CACNA2D3: variants seen among roughly 807,000 people sequenced by gnomAD.
CACNA2D3 encodes voltage-dependent calcium channel subunit alpha-2/delta-3.
Under a neutral mutation model 160.6 loss-of-function variants are expected in CACNA2D3, and 60 were observed. The observed-to-expected ratio is 0.37, with a 90% CI of 0.30 to 0.46. CACNA2D3 has a LOEUF of 0.46. Among genes scored for constraint, CACNA2D3 ranks in the 20% least tolerant of loss-of-function variants. The pLI, the probability that CACNA2D3 is intolerant of heterozygous loss-of-function variation, is 1.00. For synonymous variants in CACNA2D3, 558 were observed against 492.9 expected (o/e 1.13, Z -1.75); for missense variants, 1,205 against 1,365.0 (o/e 0.88, Z 1.85).
chr3:54,916,091 A>G (rs1195028608), intron 27 of CACNA2D3, among the ~76,000 whole-genome samples: 2 of 152,188 alleles, frequency 1.3e-5, no homozygotes, highest in East Asian at 3.9e-4. Flanking sequence ...TCACTGCATT[A>G]AAACGAAGCA....
At chr3:54,290,328 T>G (rs1703156400) in intron 2 of CACNA2D3, among the ~76,000 whole-genome samples, 1 of 152,174 alleles carries the variant, frequency 6.6e-6, no homozygotes. Flanking sequence ...TCACTGGCCA[T>G]CAGAGAAATA....
At chr3:54,771,311 A>C (rs539004052) in intron 13 of CACNA2D3, among the ~76,000 whole-genome samples, 93 of 152,304 alleles carry the variant, frequency 6.1e-4, no homozygotes, top group African/African-American at 2.2e-3. Flanking sequence ...GCACAGACTT[A>C]GTGGCTTTAA....
At chr3:54,939,336 G>T (rs1165013083) in intron 27 of CACNA2D3, among the ~76,000 whole-genome samples, 1 of 152,186 alleles carries the variant, frequency 6.6e-6, no homozygotes, top group African/African-American at 2.4e-5. Flanking sequence ...TTTCTAAGGG[G>T]CAGAGCTGGG....
chr3:54,964,978 G>A (rs1200203748), intron 27 of CACNA2D3, among the ~76,000 whole-genome samples: 2 of 152,138 alleles, frequency 1.3e-5, no homozygotes, highest in African/African-American at 2.4e-5. Context: ...TTCAGAGTGG[G>A]CTTTCTAAAA....
At chr3:54,573,838 C>T (rs952454344) in intron 8 of CACNA2D3, among the ~76,000 whole-genome samples, 4 of 152,318 alleles carry the variant, frequency 2.6e-5, no homozygotes, top group Admixed American at 2.6e-4. Flanking sequence ...GTGTGTTCTG[C>T]GAATTTTGCC....
chr3:54,543,285 T>C (rs552408135), intron 5 of CACNA2D3, among the ~76,000 whole-genome samples: 54 of 152,342 alleles, frequency 3.5e-4, no homozygotes, highest in Non-Finnish European at 5.9e-4. Flanking sequence ...CCCATCTTAG[T>C]ACAAACAAAA....
chr3:54,370,450 T>C (rs1698905159), intron 3 of CACNA2D3, among the ~76,000 whole-genome samples: 1 of 152,220 alleles, frequency 6.6e-6, no homozygotes, highest in Non-Finnish European at 1.5e-5. Flanking sequence ...AAAGATGCAA[T>C]TAAGAATCCA....
intron 2 of CACNA2D3, among the ~76,000 whole-genome samples, chr3:54,218,302 C>T (rs1310126305): frequency 1.3e-5 from 2 of 152,192 alleles, no homozygotes; most frequent in Non-Finnish European, 2.9e-5. Flanking sequence ...CCTAGACTGG[C>T]ACATGCATGG....
At chr3:54,878,933 C>T (rs971334898) in intron 18 of CACNA2D3, 85 bp from the exon 19 acceptor site, 2 of 727,366 alleles carry the variant, frequency 2.7e-6, no homozygotes, top group Non-Finnish European at 4.5e-6. Context: ...AATATGGAGG[C>T]TCCACTGCAC....
chr3:54,134,398 G>A (rs186691989), intron 2 of CACNA2D3, among the ~76,000 whole-genome samples: 11 of 152,284 alleles, frequency 7.2e-5, no homozygotes, highest in Admixed American at 3.3e-4. Context: ...AGCGATCTAT[G>A]GGGTGGGCTT....
chr3:54,942,192 A>G (rs890608975), intron 27 of CACNA2D3, among the ~76,000 whole-genome samples: 11 of 152,236 alleles, frequency 7.2e-5, no homozygotes, highest in African/African-American at 1.9e-4. Flanking sequence ...ACAACCGTGT[A>G]TCTCTGCCCA....
chr3:54,738,918 G>A (rs571322018), intron 11 of CACNA2D3, among the ~76,000 whole-genome samples: 7 of 152,264 alleles, frequency 4.6e-5, no homozygotes, highest in Non-Finnish European at 1.0e-4. Flanking sequence ...TTGGGCGGCC[G>A]AGGCTATCTT....
intron 2 of CACNA2D3, among the ~76,000 whole-genome samples, chr3:54,303,825 T>TTTTTTTTTTG: frequency 1.8e-5 from 1 of 55,254 alleles, no homozygotes; most frequent in Non-Finnish European, 4.7e-5. Flanking sequence ...TCTGTTTTTT[T>TTTTTTTTTTG]TTTTTTTTTT....
In CACNA2D3 at chr3:54,723,591, G is replaced by A. The variant is rs538924658; in HGVS notation, c.1168-29008G>A. Among the ~76,000 whole-genome samples, 36 of 152,318 alleles carry A rather than the reference G, an allele frequency of 2.4e-4. No homozygotes were observed. In the South Asian group the frequency reaches 7.5e-3, roughly 32 times the overall value. ...TAGGACAAGCACAGTTTCTGTGCCA[G>A]AGTTCCTCAGGCTCAGTCCCTCATG... On this transcript the variant is annotated intron_variant, in intron 11 of 37. Coordinates refer to ENST00000474759, the MANE Select transcript of CACNA2D3 (RefSeq NM_018398.3).
At chr3:54,540,061 C>T (rs1701948227) in intron 5 of CACNA2D3, among the ~76,000 whole-genome samples, 1 of 152,182 alleles carries the variant, frequency 6.6e-6, no homozygotes, top group South Asian at 2.1e-4. Context: ...AAGTGAATTT[C>T]TGCAAAGAAC....
intron 5 of CACNA2D3, among the ~76,000 whole-genome samples, chr3:54,511,612 C>T (rs1701459879): frequency 6.6e-6 from 1 of 151,642 alleles, no homozygotes; most frequent in Non-Finnish European, 1.5e-5. Context: ...TCTCTTTTTT[C>T]AAAGGAATGG....
chr3:54,138,429 C>T (rs1699858422), intron 2 of CACNA2D3, among the ~76,000 whole-genome samples: 1 of 152,178 alleles, frequency 6.6e-6, no homozygotes, highest in Admixed American at 6.5e-5. Context: ...GGTATTTTGC[C>T]TAGCACCTAG....
chr3:54,523,967 T>A (rs1701686797), intron 5 of CACNA2D3, among the ~76,000 whole-genome samples: 1 of 152,046 alleles, frequency 6.6e-6, no homozygotes, highest in African/African-American at 2.4e-5. Context: ...TCGTTGATTT[T>A]CTCAAATATT....
chr3:54,297,933 T>C (rs1048602334), intron 2 of CACNA2D3, among the ~76,000 whole-genome samples: 1 of 152,174 alleles, frequency 6.6e-6, no homozygotes, highest in African/African-American at 2.4e-5. Context: ...ACAGAAGTTG[T>C]TAGAAATGCC....
Sources: allele counts gnomAD v4.1 joint callset (sites outside exome capture counted in the v4.1 genomes callset), GRCh38; gene constraint gnomAD v4.1.1; transcripts MANE v1.5; gene names NCBI Gene and HGNC (gene_info 2026-07-23, HGNC 2026-07-21).